LGMN: variants seen among roughly 807,000 people sequenced by gnomAD.
LGMN encodes legumain.
Under a neutral mutation model 56.8 loss-of-function variants are expected in LGMN, and 36 were observed. That is an observed-to-expected ratio of 0.63 (90% CI 0.49 to 0.84). The LOEUF (loss-of-function observed/expected upper bound fraction) is 0.84. Among genes scored for constraint, LGMN ranks in the 40% least tolerant of loss-of-function variants. The probability of loss-of-function intolerance (pLI) is 0.00; values close to 1 mark genes in which losing one functional copy is unlikely to be tolerated. For missense variants in LGMN, 446 were observed against 556.1 expected, an observed-to-expected ratio of 0.80 and a Z score of 1.99; for synonymous variants, 199 against 210.1, an observed-to-expected ratio of 0.95 and a Z score of 0.46.
chr14:92,704,562 A>C, intron 13 of LGMN, 78 bp downstream of exon 13: 1 of 1,293,760 alleles, frequency 7.7e-7, no homozygotes, highest in Non-Finnish European at 1.1e-6. Flanking sequence ...GAAAATGCCC[A>C]CTTGCAGAAG....
intron 11 of LGMN, among the ~76,000 whole-genome samples, chr14:92,708,672 A>G (rs778603262): frequency 6.6e-6 from 1 of 152,014 alleles, no homozygotes; most frequent in African/African-American, 2.4e-5. Flanking sequence ...CCTGACCAAC[A>G]TGGTGAAACC....
chr14:92,734,827 C>T (rs1179908530), intron 1 of LGMN, among the ~76,000 whole-genome samples: 1 of 152,138 alleles, frequency 6.6e-6, no homozygotes. Flanking sequence ...ATGTGTGAGG[C>T]TGACTTCTGT....
chr14:92,713,499 G>C (rs1253035877), intron 7 of LGMN, among the ~76,000 whole-genome samples: 1 of 152,174 alleles, frequency 6.6e-6, no homozygotes, highest in Non-Finnish European at 1.5e-5. Context: ...ACAGTCCTAG[G>C]AATAGGAGTC....
chr14:92,733,849 A>G (rs1173351543), intron 1 of LGMN: 1 of 152,222 alleles, frequency 6.6e-6, no homozygotes, highest in East Asian at 1.9e-4. Flanking sequence ...AAGAAAAAAT[A>G]AATTTTAAAA....
chr14:92,713,435 T>C (rs1282084416), intron 7 of LGMN, among the ~76,000 whole-genome samples: 1 of 151,962 alleles, frequency 6.6e-6, no homozygotes, highest in African/African-American at 2.4e-5. Context: ...TGAGAAAGGC[T>C]CAAAGTGAGA....
chr14:92,706,296 G>A, intron 12 of LGMN, 187 bp downstream of exon 12: 1 of 454,666 alleles, frequency 2.2e-6, no homozygotes, highest in Non-Finnish European at 3.8e-6. Flanking sequence ...ACTGGGACAA[G>A]AAGAGTGTTC....
At position 92,719,369 on chromosome 14, in the gene LGMN, C is replaced by A. The variant is rs570026552; in HGVS notation, c.139-525G>T. Among the ~76,000 whole-genome samples, 52 of 143,786 alleles carry A rather than the reference C, an allele frequency of 3.6e-4. 2 individuals carry two copies. The highest frequency in any genetic ancestry group is 1.3e-3 in the East Asian group (5 of 3,776). 94.3% of individuals were successfully genotyped at this position (143,786 alleles called of 152,430 possible). A position where few individuals can be genotyped will look rare whatever the true frequency, so the allele number is the denominator to read the frequency against. Reference sequence around the variant, plus strand: ...GCCACCACCACCAACACCACCACCACCACCAACACCGCCACCAACACCGCC... The same window carrying A: ...GCCACCACCACCAACACCACCACCAACACCAACACCGCCACCAACACCGCC... On this transcript the variant is annotated intron_variant, in intron 2 of 13. Coordinates refer to ENST00000334869, the MANE Select transcript of LGMN (RefSeq NM_005606.7).
chr14:92,739,029 A>C (rs929526635), intron 1 of LGMN, among the ~76,000 whole-genome samples: 2 of 151,894 alleles, frequency 1.3e-5, no homozygotes, highest in East Asian at 1.9e-4. Context: ...AAAAAAAAAA[A>C]AACAAAAAAA....
At chr14:92,717,252 T>A (rs1022719086) in intron 4 of LGMN, 128 bp downstream of exon 4, 2 of 584,212 alleles carry the variant, frequency 3.4e-6, no homozygotes, top group African/African-American at 1.8e-5. Context: ...AAAATCCTAA[T>A]ACGAATGTGA....
intron 2 of LGMN, among the ~76,000 whole-genome samples, chr14:92,721,181 C>T (rs140780555): frequency 2.8e-4 from 43 of 152,290 alleles, no homozygotes; most frequent in African/African-American, 1.0e-3. Context: ...CAAGCCACGG[C>T]GCCTGGCCTT....
intron 1 of LGMN, among the ~76,000 whole-genome samples, chr14:92,743,921 T>C (rs1242100): frequency 0.24 from 35,874 of 151,860 alleles, 6,222 homozygotes; most frequent in African/African-American, 0.49. Flanking sequence ...TTGGAAAGGT[T>C]GAGGTGGGCG....
At position 92,717,441 on chromosome 14, in the gene LGMN, A is replaced by T; in HGVS notation, c.257T>A (p.Val86Glu). The T allele has an allele frequency of 6.2e-7, 1 of 1,613,400 alleles. No homozygotes were observed. The highest frequency in any genetic ancestry group is 8.5e-7 in the Non-Finnish European group (1 of 1,179,358). ...ATCTGTGCCATTGGGCCTGTTGATC[A>T]CAATTCCTGGAGTGGGATTGCTGAA... ...YSEDNPTPGI[V>E]INRPNGTDVY... The change falls in exon 4 of 14, where the codon GTG becomes GAG. Residue 86 changes from valine to glutamate, a missense_variant. Transcript: ENST00000334869.
At chr14:92,712,188 T>C (rs1889818484) in intron 8 of LGMN, among the ~76,000 whole-genome samples, 1 of 152,160 alleles carries the variant, frequency 6.6e-6, no homozygotes, top group African/African-American at 2.4e-5. Flanking sequence ...TTTGCAGCAA[T>C]TGGCAAATTG....
intron 2 of LGMN, among the ~76,000 whole-genome samples, chr14:92,727,927 G>A (rs889415752): frequency 2.0e-5 from 3 of 152,136 alleles, no homozygotes; most frequent in African/African-American, 7.2e-5. Context: ...AAACTAAACA[G>A]ACCAATACAT....
intron 2 of LGMN, among the ~76,000 whole-genome samples, chr14:92,728,936 C>A (rs1291923994): frequency 6.6e-6 from 1 of 152,098 alleles, no homozygotes; most frequent in Admixed American, 6.5e-5. Flanking sequence ...TGGAACTGAG[C>A]CCTGCACACA....
intron 3 of LGMN, among the ~76,000 whole-genome samples, chr14:92,718,222 C>A (rs1325160521): frequency 6.6e-6 from 1 of 152,108 alleles, no homozygotes; most frequent in African/African-American, 2.4e-5. Flanking sequence ...AAAGCAGCGA[C>A]CAGCACCCAC....
chr14:92,718,964 A>G, intron 2 of LGMN, 120 bp from the exon 3 acceptor site: 1 of 617,592 alleles, frequency 1.6e-6, no homozygotes, highest in Non-Finnish European at 3.0e-6. Context: ...TCGGTCAGGC[A>G]TTTAAATTAT....
chr14:92,738,879 C>T (rs572525329), intron 1 of LGMN, among the ~76,000 whole-genome samples: 85 of 151,748 alleles, frequency 5.6e-4, no homozygotes, highest in Admixed American at 3.1e-3. Flanking sequence ...ATTAGCTGGG[C>T]GTGGTGGTAT....
At chr14:92,725,080 C>T (rs1004986084) in intron 2 of LGMN, among the ~76,000 whole-genome samples, 2 of 152,186 alleles carry the variant, frequency 1.3e-5, no homozygotes, top group African/African-American at 4.8e-5. Context: ...GAAGGAATGA[C>T]ACCTGAGGTC....
Sources: allele counts gnomAD v4.1 joint callset (sites outside exome capture counted in the v4.1 genomes callset), GRCh38; gene constraint gnomAD v4.1.1; transcripts MANE v1.5; gene names NCBI Gene and HGNC (gene_info 2026-07-23, HGNC 2026-07-21).